KLF15: variants seen among roughly 807,000 people sequenced by gnomAD.
KLF15 encodes Krueppel-like factor 15.
Under a neutral mutation model 24.6 loss-of-function variants are expected in KLF15, and 4 were observed. The observed-to-expected ratio is 0.16, with a 90% CI of 0.08 to 0.37. The LOEUF is 0.37. KLF15 is among the 10% of genes least tolerant of loss of function. The pLI is 1.00. For missense variants in KLF15, 496 were observed against 560.6 expected (o/e 0.88, Z 1.16); for synonymous variants, 246 against 236.3 (o/e 1.04, Z -0.37).
chr3:126,303,716 A>G, the KLF15 span, among the ~76,000 whole-genome samples: 1 of 126,668 alleles, frequency 7.9e-6, no homozygotes, highest in South Asian at 2.3e-4. Context: ...GTTTCTTTAT[A>G]TATCTTTTTT....
At chr3:126,294,669 C>T in the KLF15 span, among the ~76,000 whole-genome samples, 1 of 152,110 alleles carries the variant, frequency 6.6e-6, no homozygotes, top group Non-Finnish European at 1.5e-5. Context: ...AACTTTGCCC[C>T]ATCTCTGCTG....
At chr3:126,333,950 TA>T in the KLF15 span, among the ~76,000 whole-genome samples, 1 of 151,256 alleles carries the variant, frequency 6.6e-6, no homozygotes, top group East Asian at 1.9e-4. Flanking sequence ...CAAAGAGACT[TA>T]GACTCCCACA....
At chr3:126,301,732 A>G in the KLF15 span, among the ~76,000 whole-genome samples, 31 of 149,328 alleles carry the variant, frequency 2.1e-4, no homozygotes, top group East Asian at 6.1e-3. Context: ...CTCCTGCCTC[A>G]GCCTCCCGAG....
the KLF15 span, among the ~76,000 whole-genome samples, chr3:126,313,590 G>A: frequency 6.6e-6 from 1 of 152,166 alleles, no homozygotes; most frequent in African/African-American, 2.4e-5. Flanking sequence ...CAATGTCTGG[G>A]AATACTGACT....
downstream of KLF15, among the ~76,000 whole-genome samples, chr3:126,339,660 T>C (rs2082464987): frequency 1.3e-5 from 2 of 152,162 alleles, no homozygotes; most frequent in East Asian, 1.9e-4. Flanking sequence ...GACATGTTCA[T>C]TCCTCACAGG....
the KLF15 span, among the ~76,000 whole-genome samples, chr3:126,333,976 G>C: frequency 0.013 from 1,947 of 151,802 alleles, 40 homozygotes; most frequent in African/African-American, 0.044. Context: ...AATAATGGGA[G>C]ACTTTAACAC....
the KLF15 span, among the ~76,000 whole-genome samples, chr3:126,332,108 G>A: frequency 9.8e-5 from 15 of 152,360 alleles, no homozygotes; most frequent in African/African-American, 2.9e-4. Context: ...AGGCGCCACC[G>A]CTGGGGGCAG....
chr3:126,299,868 A>T, the KLF15 span, among the ~76,000 whole-genome samples: 1 of 151,670 alleles, frequency 6.6e-6, no homozygotes, highest in Non-Finnish European at 1.5e-5. Flanking sequence ...GCCTCAGGAG[A>T]AGCCCACCCT....
the KLF15 span, among the ~76,000 whole-genome samples, chr3:126,296,178 A>AG: frequency 2.0e-5 from 3 of 152,124 alleles, no homozygotes; most frequent in African/African-American, 4.8e-5. Flanking sequence ...TCTCAGCCTC[A>AG]GGGGGGCTTG....
chr3:126,321,834 C>T, the KLF15 span, among the ~76,000 whole-genome samples: 2 of 152,220 alleles, frequency 1.3e-5, no homozygotes, highest in South Asian at 2.1e-4. Flanking sequence ...CGGGGTGGCA[C>T]TGCTGCAGGC....
chr3:126,338,589 C>G (rs1359474468), downstream of KLF15, among the ~76,000 whole-genome samples: 1 of 152,208 alleles, frequency 6.6e-6, no homozygotes, highest in Non-Finnish European at 1.5e-5. Flanking sequence ...CCTGTCTGTT[C>G]ATATCATGGG....
chr3:126,323,460 T>A, the KLF15 span, among the ~76,000 whole-genome samples: 2 of 96,974 alleles, frequency 2.1e-5, no homozygotes, highest in African/African-American at 1.0e-4. Context: ...TATATATATA[T>A]AACATATATA....
rs561354208 is a variant in KLF15, at chr3:126,344,188, T to A, written c.1083-293A>T. Among the ~76,000 whole-genome samples, 298 of 151,866 alleles carry A rather than the reference T, an allele frequency of 2.0e-3. 1 individual carries two copies. Among genetic ancestry groups the A allele is most frequent in the Non-Finnish European group, 3.3e-3 (227 of 67,944 alleles). On this transcript the variant is annotated intron_variant, in intron 2 of 2. Coordinates refer to ENST00000296233, the MANE Select transcript of KLF15 (RefSeq NM_014079.4). ...AATCAATCCTCCTTAGCCTCCAGAG[T>A]AGCTAGGATTACAGGTGTGCCCACC... is the stretch of plus-strand genomic sequence containing the variant.
At chr3:126,292,557 C>G in the KLF15 span, among the ~76,000 whole-genome samples, 4 of 152,208 alleles carry the variant, frequency 2.6e-5, no homozygotes, top group African/African-American at 9.6e-5. Flanking sequence ...AGGCCCTGCT[C>G]TCACGGATGG....
chr3:126,317,985 C>T, the KLF15 span, among the ~76,000 whole-genome samples: 18 of 152,244 alleles, frequency 1.2e-4, no homozygotes, highest in East Asian at 2.5e-3. Flanking sequence ...AACATCTTTC[C>T]GGTCACCTTG....
intron 1 of KLF15, among the ~76,000 whole-genome samples, chr3:126,357,028 G>C (rs1394737706): frequency 6.6e-6 from 1 of 150,650 alleles, no homozygotes; most frequent in Non-Finnish European, 1.5e-5. Context: ...GTGGGCGACC[G>C]GGGCGGGGGG....
the KLF15 span, among the ~76,000 whole-genome samples, chr3:126,308,793 C>T: frequency 4.6e-5 from 7 of 152,250 alleles, no homozygotes; most frequent in Middle Eastern, 0.01. Flanking sequence ...GTTCTCCAAG[C>T]GGAAGGAGGA....
the KLF15 span, among the ~76,000 whole-genome samples, chr3:126,330,668 G>A: frequency 2.0e-5 from 3 of 152,088 alleles, no homozygotes; most frequent in East Asian, 5.8e-4. Flanking sequence ...TGCCTTGAGA[G>A]ACTTAACAAG....
rs372639170 is a variant in KLF15 at position 126,343,150 on chromosome 3, CT to C, written c.*576del. On this transcript the variant is annotated 3_prime_UTR_variant, in exon 3 of 3. Transcript: ENST00000296233. ...CACATGAGGGCCCAGCGGCCCGGTC[CT>C]GCCCCCCCCCCCCCCCCCCCCCCCC... 2,706 of 25,724 alleles carry C rather than the reference CT, an allele frequency of 0.11. 684 individuals are homozygous for C. Among genetic ancestry groups the C allele is most frequent in the Non-Finnish European group, 0.17 (1,725 of 10,224 alleles). 1.6% of individuals were successfully genotyped at this position (25,724 alleles called of 1,614,324 possible). A position where few individuals can be genotyped will look rare whatever the true frequency, so the allele number is the denominator to read the frequency against.
Sources: allele counts gnomAD v4.1 joint callset (sites outside exome capture counted in the v4.1 genomes callset), GRCh38; gene constraint gnomAD v4.1.1; transcripts MANE v1.5; gene names NCBI Gene and HGNC (gene_info 2026-07-23, HGNC 2026-07-21).